SLC25A24: variants seen among roughly 807,000 people sequenced by gnomAD.
The protein encoded by SLC25A24 is mitochondrial adenyl nucleotide antiporter SLC25A24.
A neutral mutation model predicts 60.7 loss-of-function variants in SLC25A24; 49 were observed. The ratio of observed to expected loss-of-function variants is 0.81; its 90% CI spans 0.64 to 1.02. The LOEUF (loss-of-function observed/expected upper bound fraction) is 1.02. SLC25A24 is among the 50% of genes least tolerant of loss of function. The pLI is 0.00. For missense variants in SLC25A24, 564 were observed against 586.3 expected, an observed-to-expected ratio of 0.96 and a Z score of 0.39; for synonymous variants, 202 against 200.6, an observed-to-expected ratio of 1.01 and a Z score of -0.06.
intron 7 of SLC25A24, among the ~76,000 whole-genome samples, chr1:108,146,730 A>G (rs1571280424): frequency 1.3e-5 from 2 of 152,158 alleles, no homozygotes; most frequent in African/African-American, 4.8e-5. Flanking sequence ...ATTGATTTGC[A>G]TATGTTGAAC....
At chr1:108,175,752 G>T (rs941954191) in intron 3 of SLC25A24, among the ~76,000 whole-genome samples, 17 of 152,216 alleles carry the variant, frequency 1.1e-4, no homozygotes, top group African/African-American at 4.1e-4. Flanking sequence ...TATAGCTATG[G>T]AGAAACTGAA....
rs150195740 is a variant in SLC25A24 at position 108,148,284 on chromosome 1, T to C, written c.925A>G (p.Met309Val). ...GACTTGACAATGGTACTCACCTCCA[T>C]TGGATATATAAAAGTCTGTGCAGTT... ...GATAQTFIYP[M>V]EVMKTRLAVG... Residue 309 changes from methionine to valine, a missense_variant, in exon 7 of 10, where the codon ATG becomes GTG. Coordinates refer to ENST00000565488, the MANE Select transcript of SLC25A24 (RefSeq NM_013386.5). 287 of 1,576,666 alleles carry C rather than the reference T, an allele frequency of 1.8e-4. 2 individuals carry two copies. The African/African-American group carries it at 3.4e-3, about 19-fold the overall frequency.
At chr1:108,185,172 C>T (rs1306674589) in intron 2 of SLC25A24, among the ~76,000 whole-genome samples, 5 of 152,248 alleles carry the variant, frequency 3.3e-5, no homozygotes, top group Middle Eastern at 3.4e-3. Flanking sequence ...AACTTCCCAG[C>T]CTCCAGAACT....
intron 1 of SLC25A24, chr1:108,192,560 T>C (rs1314147702): frequency 6.7e-7 from 1 of 1,499,654 alleles, no homozygotes; most frequent in East Asian, 2.8e-5. Flanking sequence ...CTCAAAAATG[T>C]CCAAGGTCCC....
chr1:108,188,227 A>G (rs1383234965), intron 1 of SLC25A24, among the ~76,000 whole-genome samples: 3 of 151,962 alleles, frequency 2.0e-5, no homozygotes, highest in African/African-American at 7.3e-5. Flanking sequence ...GGACTACAAG[A>G]ACGGGGAGGG....
At chr1:108,176,554 C>G (rs933430808) in intron 3 of SLC25A24, among the ~76,000 whole-genome samples, 4 of 152,080 alleles carry the variant, frequency 2.6e-5, no homozygotes, top group Non-Finnish European at 5.9e-5. Context: ...TCAATCCAAA[C>G]AAGACTACCC....
intron 1 of SLC25A24, among the ~76,000 whole-genome samples, chr1:108,196,882 CTTTTAAAA>C: frequency 6.6e-6 from 1 of 152,228 alleles, no homozygotes; most frequent in Admixed American, 6.5e-5. Context: ...TAACTGAAGA[CTTTTAAAA>C]GGAAATAGGA....
intron 3 of SLC25A24, among the ~76,000 whole-genome samples, chr1:108,179,298 AAACT>A (rs1298039511): frequency 6.6e-6 from 1 of 152,168 alleles, no homozygotes; most frequent in Admixed American, 6.5e-5. Flanking sequence ...GTGAGGAGTT[AAACT>A]AATACAGCCA....
intron 3 of SLC25A24, among the ~76,000 whole-genome samples, chr1:108,180,599 T>C (rs879752344): frequency 4.5e-4 from 66 of 145,578 alleles, no homozygotes; most frequent in African/African-American, 1.3e-3. Flanking sequence ...GGCCTTATAA[T>C]AGAAAGCAAG....
At chr1:108,181,867 A>T in intron 3 of SLC25A24, 74 bp downstream of exon 3, 1 of 1,089,646 alleles carries the variant, frequency 9.2e-7, no homozygotes, top group Non-Finnish European at 1.4e-6. Context: ...TTTTAAAGCC[A>T]CACTTACAAA....
At chr1:108,178,735 A>T (rs1271178860) in intron 3 of SLC25A24, among the ~76,000 whole-genome samples, 1 of 151,798 alleles carries the variant, frequency 6.6e-6, no homozygotes, top group East Asian at 1.9e-4. Flanking sequence ...AATGACGGGA[A>T]CCCGGGAGGC....
chr1:108,136,963 C>G, intron 9 of SLC25A24, 126 bp from the exon 10 acceptor site: 1 of 869,710 alleles, frequency 1.1e-6, no homozygotes. Context: ...CCAAGAAGCC[C>G]AAGACAACAT....
At position 108,192,753 on chromosome 1, in the gene SLC25A24, G is replaced by A; in HGVS notation, c.184-6799C>T. On this transcript the variant is annotated intron_variant, in intron 1 of 9. Transcript: ENST00000565488. ...GCCTAAGACAGCATCCTCCTCAGGGGCGCCAAACACAATGCACCTTCATCG... is the reference window on the plus strand; with the variant it reads ...GCCTAAGACAGCATCCTCCTCAGGGACGCCAAACACAATGCACCTTCATCG... 14 of 1,369,868 alleles carry A rather than the reference G, an allele frequency of 1.0e-5. 2 individuals are homozygous for A. Among genetic ancestry groups the A allele is most frequent in the Non-Finnish European group, 1.3e-5 (14 of 1,051,090 alleles). The allele number at this position is 1,369,868 out of a possible 1,614,324, so 84.9% of individuals were successfully genotyped here.
chr1:108,189,612 CA>C (rs1229548877), intron 1 of SLC25A24, among the ~76,000 whole-genome samples: 3 of 152,032 alleles, frequency 2.0e-5, no homozygotes, highest in African/African-American at 7.2e-5. Context: ...GTCAGAAGTA[CA>C]AGACCAGTCT....
chr1:108,137,493 T>C (rs1679322438), intron 9 of SLC25A24, among the ~76,000 whole-genome samples: 1 of 152,204 alleles, frequency 6.6e-6, no homozygotes, highest in Non-Finnish European at 1.5e-5. Flanking sequence ...ATGTGGTTAT[T>C]ACACAGAGAG....
intron 3 of SLC25A24, among the ~76,000 whole-genome samples, chr1:108,171,939 A>G (rs1404338098): frequency 6.6e-6 from 1 of 152,228 alleles, no homozygotes; most frequent in Non-Finnish European, 1.5e-5. Flanking sequence ...TGTACTCCTA[A>G]CCACTGAGCT....
chr1:108,182,001 T>C lies in SLC25A24; in HGVS notation c.338A>G (p.Gln113Arg). Residue 113 changes from glutamine to arginine, a missense_variant, in exon 3 of 10, where the codon CAG becomes CGG. By Grantham distance (43) the Gln-to-Arg change is conservative. Coordinates refer to ENST00000565488, the MANE Select transcript of SLC25A24 (RefSeq NM_013386.5). Reference protein sequence around the residue: ...DGKIEASEIVQSLQTLGLTIS... With the variant: ...DGKIEASEIVRSLQTLGLTIS... ...AGTCAGACCCAGTGTCTGGAGAGAC[T>C]GGACAATTTCTGAAGCCTCAATTTT... The C allele has an allele frequency of 6.2e-7, 1 of 1,612,236 alleles. No homozygotes were observed. Among genetic ancestry groups the C allele is most frequent in the Non-Finnish European group, 8.5e-7 (1 of 1,178,772 alleles).
intron 2 of SLC25A24, among the ~76,000 whole-genome samples, chr1:108,183,677 C>A (rs1382226602): frequency 2.6e-5 from 4 of 152,158 alleles, no homozygotes; most frequent in Non-Finnish European, 4.4e-5. Flanking sequence ...CACTTAGGAA[C>A]ACTAGACAGC....
intron 1 of SLC25A24, among the ~76,000 whole-genome samples, chr1:108,196,367 C>G (rs1384055500): frequency 6.6e-6 from 1 of 152,166 alleles, no homozygotes; most frequent in Non-Finnish European, 1.5e-5. Flanking sequence ...TTAACATGAA[C>G]TTTCATATTC....
Sources: allele counts gnomAD v4.1 joint callset (sites outside exome capture counted in the v4.1 genomes callset), GRCh38; gene constraint gnomAD v4.1.1; transcripts MANE v1.5; gene names NCBI Gene and HGNC (gene_info 2026-07-23, HGNC 2026-07-21).